Variants in PTPRN2 observed in about 807,000 individuals in gnomAD.
The protein encoded by PTPRN2 is receptor-type tyrosine-protein phosphatase N2.
Under a neutral mutation model 118.8 loss-of-function variants are expected in PTPRN2, and 74 were observed. The observed-to-expected ratio is 0.62, with a 90% CI of 0.52 to 0.76. The LOEUF (loss-of-function observed/expected upper bound fraction) is 0.76, where lower values mean the gene tolerates loss of function less well. Ranked by LOEUF, PTPRN2 falls within the 30% of genes least tolerant of loss-of-function variation. The pLI is 0.00. For synonymous variants in PTPRN2, 641 were observed against 608.0 expected (o/e 1.05, Z -0.80); for missense variants, 1,481 against 1,394.4 (o/e 1.06, Z -0.99).
chr7:158,106,569 T>C (rs1303976499), intron 10 of PTPRN2, among the ~76,000 whole-genome samples: 1 of 152,214 alleles, frequency 6.6e-6, no homozygotes, highest in Non-Finnish European at 1.5e-5. Context: ...ACTTTGGGAA[T>C]ATCCAAAACA....
chr7:158,140,043 C>T (rs1819227846), intron 6 of PTPRN2, among the ~76,000 whole-genome samples: 1 of 152,150 alleles, frequency 6.6e-6, no homozygotes. Flanking sequence ...CAAAAAGCTC[C>T]TGAAAGGGTA....
chr7:158,541,304 G>C, intron 1 of PTPRN2: 1 of 542,992 alleles, frequency 1.8e-6, no homozygotes, highest in Non-Finnish European at 2.9e-6. Flanking sequence ...TCAGAACTCT[G>C]GGCTGTGGTG....
In PTPRN2 at chr7:158,231,509, G is replaced by A. The variant is rs577600090; in HGVS notation, c.278-26236C>T. Among the ~76,000 whole-genome samples the A allele has an allele frequency of 1.7e-3, 264 of 152,238 alleles. 1 individual carries two copies. The highest frequency in any genetic ancestry group is 5.9e-3 in the African/African-American group (245 of 41,532). On this transcript the variant is annotated intron_variant, in intron 3 of 22. Coordinates refer to ENST00000389418, the MANE Select transcript of PTPRN2 (RefSeq NM_002847.5). Reference sequence around the variant, plus strand: ...ATAGATCCAAAGGAAGAGATAGCCCGCAATACAATAATGGCAGGGCACTTC... The same window carrying A: ...ATAGATCCAAAGGAAGAGATAGCCCACAATACAATAATGGCAGGGCACTTC...
intron 13 of PTPRN2, 90 bp from the exon 14 acceptor site, chr7:157,656,641 C>A: frequency 3.2e-6 from 4 of 1,254,240 alleles, no homozygotes; most frequent in Non-Finnish European, 4.4e-6. Context: ...GGCACAACCC[C>A]TTCTCCTGCT....
At chr7:157,941,951 T>C (rs766374133) in intron 11 of PTPRN2, among the ~76,000 whole-genome samples, 7 of 149,936 alleles carry the variant, frequency 4.7e-5, no homozygotes, top group Non-Finnish European at 1.0e-4. Context: ...CACACAGGGG[T>C]CCACGGCACA....
chr7:157,559,182 A>G (rs1799054982), intron 21 of PTPRN2, among the ~76,000 whole-genome samples: 1 of 152,118 alleles, frequency 6.6e-6, no homozygotes, highest in Non-Finnish European at 1.5e-5. Context: ...CCTACTCAAC[A>G]CTACGAGGGA....
At chr7:158,074,103 T>C (rs1812158731) in intron 11 of PTPRN2, among the ~76,000 whole-genome samples, 1 of 152,206 alleles carries the variant, frequency 6.6e-6, no homozygotes, top group Non-Finnish European at 1.5e-5. Flanking sequence ...GAAACCCATG[T>C]GCAGGGAAGA....
chr7:158,483,535 T>C (rs1316976519), intron 2 of PTPRN2, among the ~76,000 whole-genome samples: 2 of 152,196 alleles, frequency 1.3e-5, no homozygotes, highest in Non-Finnish European at 1.5e-5. Flanking sequence ...TAAGTTGCAA[T>C]GGGAGGTGAT....
chr7:158,005,090 T>TC (rs994228836), intron 11 of PTPRN2, among the ~76,000 whole-genome samples: 4 of 151,442 alleles, frequency 2.6e-5, no homozygotes, highest in South Asian at 2.1e-4. Flanking sequence ...TTTTTTTTTT[T>TC]CGAGACGGAG....
At chr7:157,634,019 G>A (rs1328151931) in intron 14 of PTPRN2, among the ~76,000 whole-genome samples, 5 of 152,124 alleles carry the variant, frequency 3.3e-5, no homozygotes, top group East Asian at 1.9e-4. Context: ...GGGGAACAGC[G>A]CGTGGGGAAC....
At chr7:157,650,976 G>T (rs1805616342) in intron 14 of PTPRN2, among the ~76,000 whole-genome samples, 1 of 152,214 alleles carries the variant, frequency 6.6e-6, no homozygotes, top group African/African-American at 2.4e-5. Flanking sequence ...CAGGCAGGAG[G>T]GCCGAAGTTC....
rs370677684 is a variant in PTPRN2 at position 158,417,430 on chromosome 7, G to A, written c.163+72305C>T. Among the ~76,000 whole-genome samples the A allele has an allele frequency of 5.5e-4, 83 of 150,850 alleles. 2 individuals are homozygous for A. In the South Asian group the frequency reaches 0.015, roughly 28 times the overall value. Reference sequence around the variant, plus strand: ...GTGTTAAGTCATGGTGAACTACATCGAGATGCTGTAGCTTTCAGTGTCCCG... The same window carrying A: ...GTGTTAAGTCATGGTGAACTACATCAAGATGCTGTAGCTTTCAGTGTCCCG... On this transcript the variant is annotated intron_variant, in intron 2 of 22. Coordinates refer to ENST00000389418, the MANE Select transcript of PTPRN2 (RefSeq NM_002847.5).
chr7:157,857,595 T>C (rs941459930), intron 12 of PTPRN2: 1 of 152,358 alleles, frequency 6.6e-6, no homozygotes, highest in Admixed American at 6.5e-5. Context: ...TCACAGCTCC[T>C]TCTGCATCAT....
chr7:158,276,571 T>A (rs1799019151), intron 3 of PTPRN2, among the ~76,000 whole-genome samples: 1 of 149,294 alleles, frequency 6.7e-6, no homozygotes, highest in African/African-American at 2.5e-5. Flanking sequence ...CCCTGGGCAG[T>A]CGTGGTGACC....
intron 3 of PTPRN2, among the ~76,000 whole-genome samples, chr7:158,273,540 G>A (rs1798680204): frequency 7.7e-6 from 1 of 129,200 alleles, no homozygotes; most frequent in African/African-American, 3.3e-5. Context: ...GCAGACACGG[G>A]GAGCCGCAGA....
intron 1 of PTPRN2, among the ~76,000 whole-genome samples, chr7:158,523,274 G>A (rs1046362673): frequency 1.3e-5 from 2 of 152,184 alleles, no homozygotes; most frequent in African/African-American, 4.8e-5. Context: ...GTGCAGACAC[G>A]TCCCACGGTG....
chr7:158,126,095 G>T lies in PTPRN2; in HGVS notation c.1556+7582C>A, dbSNP rs1454171723. 1.8e-3 allele frequency among the ~76,000 whole-genome samples: 194 copies of T among 110,428 alleles called. 1 individual carries two copies. Among genetic ancestry groups the T allele is most frequent in the Middle Eastern group, 7.6e-3 (1 of 132 alleles). 72.4% of individuals were successfully genotyped at this position (110,428 alleles called of 152,430 possible). On this transcript the variant is annotated intron_variant, in intron 9 of 22. Coordinates refer to ENST00000389418, the MANE Select transcript of PTPRN2 (RefSeq NM_002847.5). Reference sequence around the variant, plus strand: ...GCGGAACTTCCTCTCCGCCACACCAGCCCCCAGGACAGCGGGCGGCGGAAC... The same window carrying T: ...GCGGAACTTCCTCTCCGCCACACCATCCCCCAGGACAGCGGGCGGCGGAAC...
Position 157,682,906 on chromosome 7 carries a change from G to A in PTPRN2, c.1820C>T (p.Ala607Val), listed in dbSNP as rs572551931. ...GAACTTGGTGGAGTCTTCTTGCTCC[G>A]CCTGAGGAGGCAGGAACTTGAGTTT... ...KSKLKFLPPQ[A>V]EQEDSTKFIA... is the part of the protein sequence containing the mutation. Residue 607 changes from alanine (A) to valine (V), a missense_variant, in exon 13 of 23, where the codon GCG (alanine) becomes GTG (valine). Physicochemically the swap from Ala to Val is moderately conservative, Grantham distance 64. Coordinates refer to ENST00000389418, the MANE Select transcript of PTPRN2 (RefSeq NM_002847.5). 5 of 1,613,716 alleles carry A rather than the reference G, an allele frequency of 3.1e-6. No individual in the cohort carries two copies. Among genetic ancestry groups the A allele is most frequent in the Admixed American group, 1.7e-5 (1 of 60,016 alleles).
At chr7:157,638,254 T>G (rs1248974541) in intron 14 of PTPRN2, among the ~76,000 whole-genome samples, 2 of 152,192 alleles carry the variant, frequency 1.3e-5, no homozygotes, top group African/African-American at 2.4e-5. Flanking sequence ...ACAAAGTTAT[T>G]GTCCAGCTCT....
Sources: allele counts gnomAD v4.1 joint callset (sites outside exome capture counted in the v4.1 genomes callset), GRCh38; gene constraint gnomAD v4.1.1; transcripts MANE v1.5; gene names NCBI Gene and HGNC (gene_info 2026-07-23, HGNC 2026-07-21).